Variants in ZSWIM6 observed in about 807,000 individuals in gnomAD.
ZSWIM6 encodes the protein zinc finger SWIM-type containing 6, also known as zinc finger SWIM domain-containing protein 6.
Under a neutral mutation model 113.2 loss-of-function variants are expected in ZSWIM6, and 9 were observed. The ratio of observed to expected loss-of-function variants is 0.08; its 90% CI spans 0.05 to 0.14. The LOEUF (loss-of-function observed/expected upper bound fraction) is 0.14. Ranked by LOEUF, ZSWIM6 falls within the 10% of genes least tolerant of loss-of-function variation. ZSWIM6 has a pLI of 1.00. For synonymous variants in ZSWIM6, 611 were observed against 606.5 expected, an observed-to-expected ratio of 1.01 and a Z score of -0.11; for missense variants, 1,162 against 1,552.2, an observed-to-expected ratio of 0.75 and a Z score of 4.22.
intron 1 of ZSWIM6, chr5:61,391,950 A>G: frequency 1.9e-6 from 1 of 534,368 alleles, no homozygotes; most frequent in East Asian, 3.3e-5. Context: ...TTTGCCATCC[A>G]GTGGGCTTGT....
rs182286174 is a variant in ZSWIM6 at position 61,465,667 on chromosome 5, T to C, written c.677-7014T>C. ...GCAGAATGCTGCTGGGAACTCTTAG[T>C]TGGGCCCATCCAATGCATGCTCCGT... On this transcript the variant is annotated intron_variant, in intron 1 of 13. Transcript: ENST00000252744. Among the ~76,000 whole-genome samples the C allele has an allele frequency of 4.6e-5, 7 of 152,312 alleles. No homozygotes were observed. In the East Asian group the frequency reaches 9.6e-4, roughly 21 times the overall value.
intron 4 of ZSWIM6, among the ~76,000 whole-genome samples, chr5:61,506,747 T>G (rs1748632357): frequency 6.6e-6 from 1 of 152,320 alleles, no homozygotes; most frequent in Middle Eastern, 3.4e-3. Context: ...GATCTCCTAT[T>G]TGTGACTGCA....
At chr5:61,388,082 A>C (rs906609960) in intron 1 of ZSWIM6, among the ~76,000 whole-genome samples, 7 of 149,946 alleles carry the variant, frequency 4.7e-5, no homozygotes, top group African/African-American at 1.7e-4. Flanking sequence ...TCTCGGGCTG[A>C]AGTGATTCTC....
At chr5:61,437,717 CAAAAAAAAAAAA>C (rs1177075747) in intron 1 of ZSWIM6, among the ~76,000 whole-genome samples, 3 of 56,870 alleles carry the variant, frequency 5.3e-5, no homozygotes, top group African/African-American at 2.1e-4. Flanking sequence ...ACCCTTTCTC[CAAAAAAAAAAAA>C]AAAAAAAAAA....
intron 1 of ZSWIM6, among the ~76,000 whole-genome samples, chr5:61,396,733 T>C (rs1177322148): frequency 6.6e-6 from 1 of 152,186 alleles, no homozygotes; most frequent in Non-Finnish European, 1.5e-5. Context: ...ATCTACACTT[T>C]AAAATTAATT....
At chr5:61,533,432 G>A (rs1749495146) in intron 9 of ZSWIM6, among the ~76,000 whole-genome samples, 1 of 152,166 alleles carries the variant, frequency 6.6e-6, no homozygotes, top group African/African-American at 2.4e-5. Context: ...AATCCCTCCT[G>A]GCCACAATAT....
At chr5:61,440,000 T>TTAG (rs1012238417) in intron 1 of ZSWIM6, among the ~76,000 whole-genome samples, 1 of 152,120 alleles carries the variant, frequency 6.6e-6, no homozygotes, top group Non-Finnish European at 1.5e-5. Context: ...AAATCATGAC[T>TTAG]TAGTATTTTA....
Position 61,531,360 on chromosome 5 carries a change from A to T in ZSWIM6, c.1985-105A>T, listed in dbSNP as rs536702433. The T allele has an allele frequency of 2.1e-5, 28 of 1,326,358 alleles. No individual in the cohort carries two copies. The African/African-American group carries it at 3.8e-4, about 18-fold the overall frequency. The allele number at this position is 1,326,358 out of a possible 1,614,324, so 82.2% of individuals were successfully genotyped here. On this transcript the variant is annotated intron_variant, in intron 8 of 13. Coordinates refer to ENST00000252744, the MANE Select transcript of ZSWIM6 (RefSeq NM_020928.2). ...ATGTTTTCTGGCTTTCTCAGCATTA[A>T]TCCATAATTCATTTGCTTGTACGGG...
chr5:61,410,821 T>G (rs1307462471), intron 1 of ZSWIM6, among the ~76,000 whole-genome samples: 1 of 152,208 alleles, frequency 6.6e-6, no homozygotes, highest in Admixed American at 6.5e-5. Flanking sequence ...GAATTAAGAA[T>G]GAGGTATGAA....
intron 2 of ZSWIM6, among the ~76,000 whole-genome samples, chr5:61,490,574 A>G (rs1374464826): frequency 6.6e-6 from 1 of 152,128 alleles, no homozygotes; most frequent in Non-Finnish European, 1.5e-5. Context: ...AAATAGAAAT[A>G]TCTCAATTCT....
chr5:61,506,446 G>A (rs1748624350), intron 4 of ZSWIM6, among the ~76,000 whole-genome samples: 1 of 151,980 alleles, frequency 6.6e-6, no homozygotes, highest in Non-Finnish European at 1.5e-5. Flanking sequence ...AGCTGGATGT[G>A]GTGGCGCACA....
At chr5:61,398,035 G>A (rs1313794805) in intron 1 of ZSWIM6, among the ~76,000 whole-genome samples, 2 of 152,142 alleles carry the variant, frequency 1.3e-5, no homozygotes, top group Non-Finnish European at 2.9e-5. Context: ...CAGAGAATGG[G>A]ACTTCTTGCC....
intron 1 of ZSWIM6, among the ~76,000 whole-genome samples, chr5:61,376,303 C>T (rs1745372878): frequency 7.6e-6 from 1 of 130,776 alleles, no homozygotes; most frequent in Admixed American, 8.0e-5. Flanking sequence ...TAATTTTTTC[C>T]CCTCGTATAC....
chr5:61,422,706 AT>A (rs1162322833), intron 1 of ZSWIM6, among the ~76,000 whole-genome samples: 1 of 152,176 alleles, frequency 6.6e-6, no homozygotes, highest in East Asian at 1.9e-4. Context: ...AACATGGAGT[AT>A]ATTTCCATTT....
Position 61,345,568 on chromosome 5 carries a change from A to G in ZSWIM6, c.676+12620A>G, listed in dbSNP as rs548448764. 2.6e-5 allele frequency among the ~76,000 whole-genome samples: 4 copies of G among 152,370 alleles called. No homozygotes were observed. The South Asian group carries it at 8.3e-4, about 32-fold the overall frequency. On this transcript the variant is annotated intron_variant, in intron 1 of 13. Coordinates refer to ENST00000252744, the MANE Select transcript of ZSWIM6 (RefSeq NM_020928.2). ...AATTGTATTCTTTCTATAAAGGTAC[A>G]TAGAAAAACTGAGGGCATGTTGGGG... is the stretch of plus-strand genomic sequence containing the variant.
At chr5:61,463,497 C>G (rs1747359634) in intron 1 of ZSWIM6, among the ~76,000 whole-genome samples, 1 of 152,190 alleles carries the variant, frequency 6.6e-6, no homozygotes, top group Non-Finnish European at 1.5e-5. Context: ...AACCAGAAAC[C>G]CTGGACATAT....
chr5:61,336,626 A>G (rs1380323057), intron 1 of ZSWIM6, among the ~76,000 whole-genome samples: 1 of 152,022 alleles, frequency 6.6e-6, no homozygotes, highest in Non-Finnish European at 1.5e-5. Context: ...ATCGTGGCAC[A>G]TGCCTGTAAT....
chr5:61,379,104 C>T (rs1446776367), intron 1 of ZSWIM6, among the ~76,000 whole-genome samples: 1 of 147,722 alleles, frequency 6.8e-6, no homozygotes, highest in Non-Finnish European at 1.5e-5. Flanking sequence ...TTGCCCGAAC[C>T]CAGGAGTCAA....
Position 61,332,424 on chromosome 5 carries a change from C to G in ZSWIM6, c.152C>G (p.Ala51Gly). 1.0e-6 allele frequency: 1 copy of G among 975,488 alleles called. No homozygotes were observed. The highest frequency in any genetic ancestry group is 1.2e-6 in the Non-Finnish European group (1 of 821,972). The allele number at this position is 975,488 out of a possible 1,614,324, so 60.4% of individuals were successfully genotyped here. Residue 51 changes from alanine (A) to glycine (G), a missense_variant, in exon 1 of 14, where the codon GCG becomes GGG. Around this residue, in one of 4 missense-constraint regions of ZSWIM6, gnomAD observed 333 missense variants for 293.4 expected, o/e 1.13. Transcript: ENST00000252744. ...CGGCCAGGCCCGCGGGCGGGTGGCG[C>G]GGCGGCGGCGGCGGCGTGCGGGGGC... ...ACRPGPRAGGAAAAAACGGGA... is the reference protein window; with the variant it reads ...ACRPGPRAGGGAAAAACGGGA...
Sources: gnomAD v4.1 joint callset for allele counts (sites outside exome capture counted in the v4.1 genomes callset) on GRCh38, gnomAD v4.1.1 for gene constraint, gnomAD v4.1.1 regional missense constraint, MANE v1.5 for transcripts, NCBI Gene and HGNC (gene_info 2026-07-23, HGNC 2026-07-21) for gene names.